MCHR2: variants seen among roughly 807,000 people sequenced by gnomAD.
MCHR2 encodes the protein melanin-concentrating hormone receptor 2.
In MCHR2, 15 loss-of-function variants were observed where a neutral mutation model predicts 24.8. The ratio of observed to expected loss-of-function variants is 0.60; its 90% confidence interval spans 0.40 to 0.93. The LOEUF (loss-of-function observed/expected upper bound fraction) is 0.93, where lower values mean the gene tolerates loss of function less well. Among genes scored for constraint, MCHR2 ranks in the 40% least tolerant of loss-of-function variants. The probability of loss-of-function intolerance (pLI) is 0.00; values close to 1 mark genes in which losing one functional copy is unlikely to be tolerated. For synonymous variants in MCHR2, 151 were observed against 147.6 expected (o/e 1.02, Z -0.17); for missense variants, 386 against 408.7 (o/e 0.94, Z 0.48).
intron 1 of MCHR2, among the ~76,000 whole-genome samples, chr6:99,970,954 G>C (rs1006853667): frequency 2.6e-5 from 4 of 152,130 alleles, no homozygotes; most frequent in Admixed American, 2.0e-4. Flanking sequence ...ATGCTGTTTT[G>C]GTTACTGTAG....
Position 99,921,187 on chromosome 6 carries a change from A to G in MCHR2, c.776T>C (p.Val259Ala). 6.2e-7 allele frequency: 1 copy of G among 1,614,168 alleles called. No homozygotes were observed. Among genetic ancestry groups the G allele is most frequent in the Non-Finnish European group, 8.5e-7 (1 of 1,180,008 alleles). The change falls in exon 6 of 6, where the codon GTC (valine) becomes GCC (alanine). Residue 259 changes from valine (V) to alanine (A), a missense_variant. Physicochemically the swap from Val to Ala is moderately conservative, Grantham distance 64 (BLOSUM62 0). Transcript: ENST00000281806. ...LTKMVLVLVV[V>A]FILSAAPYHV... ...ATAAGGGGCAGCACTCAGGATAAAGACTACCACCAGCACCAGCACCATCTT... is the reference window on the plus strand; with the variant it reads ...ATAAGGGGCAGCACTCAGGATAAAGGCTACCACCAGCACCAGCACCATCTT...
At chr6:99,956,912 C>T (rs545147277) in intron 1 of MCHR2, among the ~76,000 whole-genome samples, 1 of 152,144 alleles carries the variant, frequency 6.6e-6, no homozygotes, top group Admixed American at 6.6e-5. Flanking sequence ...TCAGATTAAT[C>T]TTCCCACTGA....
intron 3 of MCHR2, among the ~76,000 whole-genome samples, chr6:99,947,041 C>T (rs1013305026): frequency 4.6e-5 from 7 of 152,098 alleles, no homozygotes; most frequent in African/African-American, 2.4e-5. Flanking sequence ...CTGGATTCTA[C>T]CACTTATTGG....
chr6:99,978,795 A>T (rs548357138), intron 1 of MCHR2, among the ~76,000 whole-genome samples: 2 of 152,258 alleles, frequency 1.3e-5, no homozygotes, highest in South Asian at 4.1e-4. Context: ...TGGCTAAAAA[A>T]GGCTAGGACA....
In MCHR2 at chr6:99,991,806, C is replaced by T. The variant is rs1200255817; in HGVS notation, c.-28+2130G>A. Among the ~76,000 whole-genome samples, 7 of 19,320 alleles carry T rather than the reference C, an allele frequency of 3.6e-4. No individual in the cohort carries two copies. In the Admixed American group the frequency reaches 4.5e-3, roughly 13 times the overall value. 12.7% of individuals were successfully genotyped at this position (19,320 alleles called of 152,430 possible). A position where few individuals can be genotyped will look rare whatever the true frequency, so the allele number is the denominator to read the frequency against. On this transcript the variant is annotated intron_variant, in intron 1 of 5. Coordinates refer to ENST00000281806, the MANE Select transcript of MCHR2 (RefSeq NM_001040179.2). ...CCTGGGTGACAGAGTGAGACTCCGT[C>T]TCAAAAAAAAAAAAAAAAAAGAAAA...
In MCHR2 at chr6:99,920,830, C is replaced by A; in HGVS notation, c.*110G>T. ...ACTTCTCTTCCATGCTGCTAAGAGTCACAAGTACACAAGAAGAATGGGCAT... is the reference window on the plus strand; with the variant it reads ...ACTTCTCTTCCATGCTGCTAAGAGTAACAAGTACACAAGAAGAATGGGCAT... On this transcript the variant is annotated 3_prime_UTR_variant, in exon 6 of 6. Transcript: ENST00000281806. 1 of 1,072,914 alleles carries A rather than the reference C, an allele frequency of 9.3e-7. No individual in the cohort carries two copies. The highest frequency in any genetic ancestry group is 2.4e-5 in the East Asian group (1 of 42,004). The allele number at this position is 1,072,914 out of a possible 1,614,324, so 66.5% of individuals were successfully genotyped here.
At chr6:99,980,653 C>A (rs1261046042) in intron 1 of MCHR2, among the ~76,000 whole-genome samples, 1 of 152,026 alleles carries the variant, frequency 6.6e-6, no homozygotes, top group African/African-American at 2.4e-5. Context: ...CGAGATATAA[C>A]CTTTCCAACG....
At chr6:99,993,694 G>T (rs1775930744) in intron 1 of MCHR2, among the ~76,000 whole-genome samples, 1 of 152,078 alleles carries the variant, frequency 6.6e-6, no homozygotes, top group South Asian at 2.1e-4. Flanking sequence ...TTTGCCGAGT[G>T]TGAAACCAGC....
At chr6:99,982,397 G>A (rs192737228) in intron 1 of MCHR2, among the ~76,000 whole-genome samples, 11 of 149,266 alleles carry the variant, frequency 7.4e-5, no homozygotes, top group East Asian at 6.0e-4. Context: ...GGGAGGCTGA[G>A]GTGGGCAGAT....
chr6:99,928,899 T>C (rs577543885), intron 5 of MCHR2, among the ~76,000 whole-genome samples: 1 of 152,344 alleles, frequency 6.6e-6, no homozygotes, highest in East Asian at 1.9e-4. Context: ...GTGTTTGCTC[T>C]TGGTTTTCTA....
chr6:99,938,652 A>C (rs1774713630), intron 4 of MCHR2, among the ~76,000 whole-genome samples: 1 of 152,092 alleles, frequency 6.6e-6, no homozygotes. Context: ...TGTTGAAAAG[A>C]ATTTGCATTC....
chr6:99,924,309 A>C (rs1347942574), intron 5 of MCHR2, among the ~76,000 whole-genome samples: 7 of 151,836 alleles, frequency 4.6e-5, no homozygotes, highest in Admixed American at 4.6e-4. Context: ...TTTCTCAGTT[A>C]GTCTGGCTAA....
At chr6:99,938,799 C>CTAT (rs1456984633) in intron 4 of MCHR2, among the ~76,000 whole-genome samples, 1 of 152,038 alleles carries the variant, frequency 6.6e-6, no homozygotes. Context: ...AAATCTCTTA[C>CTAT]TATTATTGCA....
At chr6:99,950,296 A>G (rs763696636) in intron 2 of MCHR2, among the ~76,000 whole-genome samples, 3 of 152,162 alleles carry the variant, frequency 2.0e-5, no homozygotes, top group Non-Finnish European at 4.4e-5. Flanking sequence ...AATTAAAAAC[A>G]ATTAAATAGA....
At position 99,960,572 on chromosome 6, in the gene MCHR2, C is replaced by T. The variant is rs997001778; in HGVS notation, c.-27-4398G>A. On this transcript the variant is annotated intron_variant, in intron 1 of 5. Coordinates refer to ENST00000281806, the MANE Select transcript of MCHR2 (RefSeq NM_001040179.2). ...AAGCCAGAGGCATCATGCTACCTGA[C>T]TTCAAACTATACTACAAGGCTACAG... is the stretch of plus-strand genomic sequence containing the variant. 8.5e-5 allele frequency among the ~76,000 whole-genome samples: 13 copies of T among 152,300 alleles called. 1 individual carries two copies. The East Asian group carries it at 2.3e-3, about 27-fold the overall frequency.
chr6:99,974,179 C>T (rs922266873), intron 1 of MCHR2, among the ~76,000 whole-genome samples: 6 of 152,190 alleles, frequency 3.9e-5, no homozygotes, highest in African/African-American at 1.4e-4. Flanking sequence ...CCATTCTCCC[C>T]ATCACTTTCA....
chr6:99,928,417 A>T (rs979095899), intron 5 of MCHR2, among the ~76,000 whole-genome samples: 6 of 152,096 alleles, frequency 3.9e-5, no homozygotes, highest in Non-Finnish European at 5.9e-5. Context: ...GAATGGTACC[A>T]GTTCCTCCTT....
chr6:99,973,256 G>A (rs1395894551), intron 1 of MCHR2, among the ~76,000 whole-genome samples: 2 of 151,706 alleles, frequency 1.3e-5, no homozygotes, highest in Non-Finnish European at 2.9e-5. Context: ...CCTGTATTGG[G>A]TGCATATTTA....
At chr6:99,929,911 T>C (rs1346215068) in intron 5 of MCHR2, among the ~76,000 whole-genome samples, 1 of 150,396 alleles carries the variant, frequency 6.6e-6, no homozygotes, top group Non-Finnish European at 1.5e-5. Context: ...TGCTCGTTAG[T>C]TGATGCAGTT....
Sources: allele counts gnomAD v4.1 joint callset (sites outside exome capture counted in the v4.1 genomes callset), GRCh38; gene constraint gnomAD v4.1.1; transcripts MANE v1.5; gene names NCBI Gene and HGNC (gene_info 2026-07-23, HGNC 2026-07-21).